Variants in MYT1L observed in about 807,000 individuals in gnomAD.
MYT1L encodes the protein myelin transcription factor 1 like, also known as myelin transcription factor 1-like protein.
Under a neutral mutation model 126.7 loss-of-function variants are expected in MYT1L, and 12 were observed. The observed-to-expected ratio is 0.09, with a 90% confidence interval of 0.06 to 0.15. The LOEUF (loss-of-function observed/expected upper bound fraction) is 0.15, where lower values mean the gene tolerates loss of function less well. Among genes scored for constraint, MYT1L ranks in the 10% least tolerant of loss-of-function variants. MYT1L has a pLI of 1.00. For synonymous variants in MYT1L, 541 were observed against 604.2 expected, an observed-to-expected ratio of 0.90 and a Z score of 1.53; for missense variants, 979 against 1,585.2, an observed-to-expected ratio of 0.62 and a Z score of 6.49.
In MYT1L at chr2:1,865,025, A is replaced by G. The variant is rs2045267205; in HGVS notation, c.2712-13322T>C. ...GGCTTCTGCCAGAGGATGCTGCTCT[A>G]TGGGCCCCAGGGTGCTGTCCCCACC... is the stretch of plus-strand genomic sequence containing the variant. On this transcript the variant is annotated intron_variant, in intron 18 of 24. Transcript: ENST00000647738. Among the ~76,000 whole-genome samples, 3 of 152,192 alleles carry G rather than the reference A, an allele frequency of 2.0e-5. No individual in the cohort carries two copies. In the South Asian group the frequency reaches 6.2e-4, roughly 32 times the overall value.
chr2:1,826,468 G>C (rs1016248786), intron 21 of MYT1L, among the ~76,000 whole-genome samples: 1 of 152,172 alleles, frequency 6.6e-6, no homozygotes, highest in African/African-American at 2.4e-5. Flanking sequence ...CAGAACACTG[G>C]GTTGTTTCAG....
At chr2:1,799,460 C>T (rs1011652392) in intron 23 of MYT1L, among the ~76,000 whole-genome samples, 2 of 152,194 alleles carry the variant, frequency 1.3e-5, no homozygotes, top group Non-Finnish European at 2.9e-5. Context: ...CCACAGCTGG[C>T]ATCAGAGCTG....
intron 4 of MYT1L, among the ~76,000 whole-genome samples, chr2:2,034,321 A>G (rs950239990): frequency 6.7e-5 from 10 of 148,656 alleles, no homozygotes; most frequent in Non-Finnish European, 1.5e-4. Context: ...CGGGTGCAGA[A>G]GAGAGCTCCT....
intron 8 of MYT1L, among the ~76,000 whole-genome samples, chr2:1,973,181 A>G (rs1163258387): frequency 6.6e-6 from 1 of 152,258 alleles, no homozygotes; most frequent in African/African-American, 2.4e-5. Flanking sequence ...AAAAATCACC[A>G]TTTGGAAATA....
At chr2:1,992,498 C>G (rs890970455) in intron 5 of MYT1L, among the ~76,000 whole-genome samples, 1 of 152,166 alleles carries the variant, frequency 6.6e-6, no homozygotes, top group African/African-American at 2.4e-5. Context: ...GCCTTCTGTC[C>G]GGGAATTCTC....
At chr2:2,206,669 C>T (rs982137140) in intron 2 of MYT1L, among the ~76,000 whole-genome samples, 24 of 152,192 alleles carry the variant, frequency 1.6e-4, no homozygotes, top group Admixed American at 1.2e-3. Flanking sequence ...CAGACAAAAT[C>T]CAGTTAGGTT....
At chr2:2,119,020 T>G (rs1165759097) in intron 3 of MYT1L, among the ~76,000 whole-genome samples, 1 of 152,270 alleles carries the variant, frequency 6.6e-6, no homozygotes, top group Non-Finnish European at 1.5e-5. Context: ...AGGTTAAATA[T>G]TCAACCATGT....
intron 4 of MYT1L, among the ~76,000 whole-genome samples, chr2:2,003,943 G>C (rs1373720444): frequency 4.6e-5 from 7 of 150,734 alleles, no homozygotes; most frequent in Admixed American, 1.3e-4. Context: ...TCCTGCATGA[G>C]TTCTTTCCTG....
At chr2:2,286,296 C>T (rs530110380) in intron 1 of MYT1L, among the ~76,000 whole-genome samples, 1 of 152,228 alleles carries the variant, frequency 6.6e-6, no homozygotes, top group Non-Finnish European at 1.5e-5. Flanking sequence ...CTTCATTCTT[C>T]TAAAAGGAAG....
At chr2:2,297,476 A>G (rs1302433791) in intron 1 of MYT1L, among the ~76,000 whole-genome samples, 2 of 152,210 alleles carry the variant, frequency 1.3e-5, no homozygotes, top group Non-Finnish European at 2.9e-5. Context: ...TACTACCAGT[A>G]CACAAGATTC....
intron 1 of MYT1L, among the ~76,000 whole-genome samples, chr2:2,293,571 G>A (rs1234233343): frequency 6.6e-6 from 1 of 152,140 alleles, no homozygotes; most frequent in Admixed American, 6.5e-5. Context: ...CCAGGTGAGG[G>A]GCCTCAGGGG....
intron 4 of MYT1L, among the ~76,000 whole-genome samples, chr2:2,052,470 G>A (rs542033641): frequency 6.6e-6 from 1 of 152,328 alleles, no homozygotes; most frequent in South Asian, 2.1e-4. Flanking sequence ...ATGTTTGTGT[G>A]TCAAGGGACA....
chr2:2,081,895 A>G (rs1431309692), intron 3 of MYT1L, among the ~76,000 whole-genome samples: 1 of 152,034 alleles, frequency 6.6e-6, no homozygotes, highest in East Asian at 1.9e-4. Flanking sequence ...GCGCGATGCC[A>G]TGCTTGGCTA....
intron 23 of MYT1L, among the ~76,000 whole-genome samples, chr2:1,794,243 C>G (rs999766046): frequency 7.9e-5 from 12 of 152,220 alleles, no homozygotes; most frequent in African/African-American, 2.7e-4. Flanking sequence ...CTCAGGGAAC[C>G]CTGCAGAGGC....
At chr2:1,800,482 G>A (rs1322840091) in intron 23 of MYT1L, among the ~76,000 whole-genome samples, 1 of 152,216 alleles carries the variant, frequency 6.6e-6, no homozygotes, top group Non-Finnish European at 1.5e-5. Context: ...ATGGCCTGGT[G>A]GGGAGTTCCC....
intron 10 of MYT1L, among the ~76,000 whole-genome samples, chr2:1,921,591 A>G (rs2053574559): frequency 2.6e-5 from 4 of 152,232 alleles, no homozygotes; most frequent in South Asian, 4.1e-4. Context: ...GAAAAGCGCC[A>G]TAACTGTTTC....
chr2:2,122,782 C>T (rs2081201526), intron 3 of MYT1L, among the ~76,000 whole-genome samples: 1 of 151,450 alleles, frequency 6.6e-6, no homozygotes, highest in African/African-American at 2.4e-5. Context: ...CTGTCTCTGC[C>T]AGGCTGGTTC....
intron 8 of MYT1L, among the ~76,000 whole-genome samples, chr2:1,952,915 T>C (rs2057992571): frequency 1.9e-5 from 2 of 102,840 alleles, no homozygotes; most frequent in South Asian, 4.2e-4. Context: ...TTCCTCTCCC[T>C]TCCTTCCCTT....
At chr2:2,088,121 C>T (rs1217811516) in intron 3 of MYT1L, among the ~76,000 whole-genome samples, 1 of 152,190 alleles carries the variant, frequency 6.6e-6, no homozygotes, top group Admixed American at 6.5e-5. Flanking sequence ...TGGCTCGTTA[C>T]AGCACTAGAG....
Sources: gnomAD v4.1 joint callset for allele counts (sites outside exome capture counted in the v4.1 genomes callset) on GRCh38, gnomAD v4.1.1 for gene constraint, MANE v1.5 for transcripts, NCBI Gene and HGNC (gene_info 2026-07-23, HGNC 2026-07-21) for gene names.